Variants in ESPN observed in about 807,000 individuals in gnomAD.
ESPN encodes espin.
Under a neutral mutation model 77.7 loss-of-function variants are expected in ESPN, and 68 were observed. That is an observed-to-expected ratio of 0.87 (90% CI 0.72 to 1.07). ESPN has a LOEUF of 1.07. Among genes scored for constraint, ESPN ranks in the 50% least tolerant of loss-of-function variants. ESPN has a pLI of 0.00. For synonymous variants in ESPN, 449 were observed against 567.1 expected, an observed-to-expected ratio of 0.79 and a Z score of 2.96; for missense variants, 1,060 against 1,239.0, an observed-to-expected ratio of 0.86 and a Z score of 2.17.
At chr1:6,456,329 C>G in intron 10 of ESPN, 1 of 387,228 alleles carries the variant, frequency 2.6e-6, no homozygotes, top group Admixed American at 4.5e-5. Context: ...CCCGGAGGGC[C>G]CAGGACCAGG....
rs1557692894 is a variant in ESPN at position 6,428,356 on chromosome 1, T to TCCA, written c.427_429dup (p.His143dup). The TCCA allele has an allele frequency of 6.2e-7, 1 of 1,613,012 alleles. No individual in the cohort carries two copies. Among genetic ancestry groups the TCCA allele is most frequent in the East Asian group, 2.2e-5 (1 of 44,858 alleles). Reference sequence around the variant, plus strand: ...GCCACAGACATGGGCGCCCTGCCTATCCACTACGCTGCCGCCAAAGGAGAC... The same window carrying TCCA: ...GCCACAGACATGGGCGCCCTGCCTATCCACCACTACGCTGCCGCCAAAGGAGAC... On this transcript the variant is annotated inframe_insertion, in exon 2 of 13. Coordinates refer to ENST00000645284, the MANE Select transcript of ESPN (RefSeq NM_031475.3). The surrounding 1 kb of genome is among the most constrained non-coding windows in gnomAD (Gnocchi z 5.4).
intron 5 of ESPN, among the ~76,000 whole-genome samples, chr1:6,441,899 C>T (rs1363384658): frequency 6.6e-6 from 1 of 152,198 alleles, no homozygotes; most frequent in East Asian, 1.9e-4. Context: ...GCTCTGGGGG[C>T]TGCAGAACAC....
rs1471060894 is a variant in ESPN, at chr1:6,451,316, T to G, written c.1916-287T>G. Reference sequence around the variant, plus strand: ...CAGTCAGTGGCTGGGCGGGGACATATGCCCAAGAGCCACCATGAACTCCCA... The same window carrying G: ...CAGTCAGTGGCTGGGCGGGGACATAGGCCCAAGAGCCACCATGAACTCCCA... On this transcript the variant is annotated intron_variant, in intron 8 of 12. Coordinates refer to ENST00000645284, the MANE Select transcript of ESPN (RefSeq NM_031475.3). The surrounding 1 kb of genome is among the most constrained non-coding windows in gnomAD (Gnocchi z 4.3). The G allele has an allele frequency of 1.9e-6, 1 of 514,318 alleles. No individual in the cohort carries two copies. The highest frequency in any genetic ancestry group is 3.5e-6 in the Non-Finnish European group (1 of 282,510). The allele number at this position is 514,318 out of a possible 1,614,324, so 31.9% of individuals were successfully genotyped here.
At chr1:6,432,682 G>A (rs1400870232) in intron 2 of ESPN, among the ~76,000 whole-genome samples, 1 of 152,232 alleles carries the variant, frequency 6.6e-6, no homozygotes, top group Non-Finnish European at 1.5e-5. Flanking sequence ...CCTCACGTGG[G>A]GGCTACCTGA....
intron 2 of ESPN, among the ~76,000 whole-genome samples, chr1:6,433,750 G>A (rs1289120878): frequency 6.6e-6 from 1 of 152,144 alleles, no homozygotes; most frequent in Non-Finnish European, 1.5e-5. Context: ...CCTTCACAGA[G>A]GCTGATCCCT....
At position 6,428,242 on chromosome 1, in the gene ESPN, G is replaced by T; in HGVS notation, c.311G>T (p.Gly104Val). The part of the protein sequence containing the change: ...GCRVQDKDNS[G>V]ATVLHLAARF... Reference sequence around the variant, plus strand: ...CTCCCACAGGACAAAGACAATTCTGGTGCCACAGTCTTGCATCTGGCTGCC... The same window carrying T: ...CTCCCACAGGACAAAGACAATTCTGTTGCCACAGTCTTGCATCTGGCTGCC... The change falls in exon 2 of 13, where the codon GGT (glycine) becomes GTT (valine). Residue 104 changes from glycine (G) to valine (V), a missense_variant. Transcript: ENST00000645284. This position sits in a 1 kb window ranked among gnomAD's most constrained non-coding sequence, Gnocchi z 5.4. 1 of 1,613,632 alleles carries T rather than the reference G, an allele frequency of 6.2e-7. No individual in the cohort carries two copies. The highest frequency in any genetic ancestry group is 8.5e-7 in the Non-Finnish European group (1 of 1,180,004).
At chr1:6,425,372 C>A in intron 1 of ESPN, 123 bp downstream of exon 1, 2 of 1,234,140 alleles carry the variant, frequency 1.6e-6, no homozygotes, top group Non-Finnish European at 2.3e-6. Context: ...CTGAACCCTG[C>A]ACGGAGCTCC....
chr1:6,445,183 C>A (rs1643783822), intron 6 of ESPN, among the ~76,000 whole-genome samples: 1 of 152,218 alleles, frequency 6.6e-6, no homozygotes, highest in South Asian at 2.1e-4. Flanking sequence ...CAAATGCGTA[C>A]CCCCTCAAAC....
At chr1:6,430,319 C>T (rs144627974) in intron 2 of ESPN, among the ~76,000 whole-genome samples, 1,707 of 152,310 alleles carry the variant, frequency 0.011, 30 homozygotes, top group African/African-American at 0.038. Flanking sequence ...GTGGGAAACT[C>T]GATCCTGCCA....
chr1:6,455,707 G>C (rs1162008710), intron 10 of ESPN: 1 of 398,980 alleles, frequency 2.5e-6, no homozygotes, highest in Non-Finnish European at 4.4e-6. Context: ...CGCAAGTTCC[G>C]CCACCTACTG....
At chr1:6,436,997 T>G (rs2006010) in intron 2 of ESPN, among the ~76,000 whole-genome samples, 3 of 151,784 alleles carry the variant, frequency 2.0e-5, no homozygotes, top group African/African-American at 4.8e-5. Flanking sequence ...CCCCTCCCCC[T>G]CAGCCCATCA....
In ESPN at chr1:6,445,054, ACAAG is replaced by A. The variant is rs201331310; in HGVS notation, c.1192+379_1192+382del. Among the ~76,000 whole-genome samples the A allele has an allele frequency of 3.8e-3, 573 of 152,276 alleles. 3 individuals carry two copies. Among genetic ancestry groups the A allele is most frequent in the African/African-American group, 0.013 (552 of 41,558 alleles). On this transcript the variant is annotated intron_variant, in intron 6 of 12. Coordinates refer to ENST00000645284, the MANE Select transcript of ESPN (RefSeq NM_031475.3). ...ATATCTGCACACACCCACCCTACAC[ACAAG>A]CAAGCACACAGTGCTCTATTTCCAT...
Position 6,450,489 on chromosome 1 carries a change from G to C in ESPN, c.1916-1114G>C, listed in dbSNP as rs567259242. 9.3e-6 allele frequency: 9 copies of C among 970,390 alleles called. No homozygotes were observed. Among genetic ancestry groups the C allele is most frequent in the Admixed American group, 6.2e-5 (1 of 16,230 alleles). 60.1% of individuals were successfully genotyped at this position (970,390 alleles called of 1,614,324 possible). On this transcript the variant is annotated intron_variant, in intron 8 of 12. Coordinates refer to ENST00000645284, the MANE Select transcript of ESPN (RefSeq NM_031475.3). The surrounding 1 kb of genome is among the most constrained non-coding windows in gnomAD (Gnocchi z 4.3). ...AGGAAGAGTGAGTAGCTGCGTGCGC[G>C]GCTCCTGGCTGAGGCTGAGGCGCGG...
chr1:6,428,080 C>A lies in ESPN; in HGVS notation c.295-146C>A. 2.4e-6 allele frequency: 2 copies of A among 850,510 alleles called. No individual in the cohort carries two copies. The highest frequency in any genetic ancestry group is 3.9e-6 in the Non-Finnish European group (2 of 519,350). The allele number at this position is 850,510 out of a possible 1,614,324, so 52.7% of individuals were successfully genotyped here. ...CAGGATCCGCTTGACCCAAAAAAAA[C>A]ATTGCTGAATGAGGCCTGGCCAATC... On this transcript the variant is annotated intron_variant, in intron 1 of 12. Coordinates refer to ENST00000645284, the MANE Select transcript of ESPN (RefSeq NM_031475.3). The surrounding 1 kb of genome is among the most constrained non-coding windows in gnomAD (Gnocchi z 5.4).
chr1:6,439,870 G>T (rs1244037543), intron 2 of ESPN, among the ~76,000 whole-genome samples: 1 of 152,160 alleles, frequency 6.6e-6, no homozygotes, highest in African/African-American at 2.4e-5. Context: ...TTAGCGGGGC[G>T]TGGTGGCACA....
In ESPN at chr1:6,427,047, C is replaced by T. The variant is rs919906139; in HGVS notation, c.295-1179C>T. On this transcript the variant is annotated intron_variant, in intron 1 of 12. Transcript: ENST00000645284. This position sits in a 1 kb window ranked among gnomAD's most constrained non-coding sequence, Gnocchi z 4.6. ...CGTGCCCTCTTTTCCTTGCATTTCT[C>T]ACGGGAGCCTCAGAGGTTCTCTTCC... is the stretch of plus-strand genomic sequence containing the variant. 6.6e-6 allele frequency among the ~76,000 whole-genome samples: 1 copy of T among 152,034 alleles called. No homozygotes were observed. The highest frequency in any genetic ancestry group is 1.9e-4 in the East Asian group (1 of 5,168).
intron 10 of ESPN, among the ~76,000 whole-genome samples, chr1:6,453,589 G>T (rs1289705183): frequency 6.6e-6 from 1 of 152,218 alleles, no homozygotes; most frequent in Non-Finnish European, 1.5e-5. Context: ...CCTGGAGGAA[G>T]GGGGTCGCTG....
At chr1:6,444,061 C>T (rs1643739554) in intron 5 of ESPN, among the ~76,000 whole-genome samples, 1 of 152,222 alleles carries the variant, frequency 6.6e-6, no homozygotes, top group Admixed American at 6.5e-5. Flanking sequence ...CTGCCCCAGG[C>T]CCCAGGTCCA....
intron 1 of ESPN, 35 bp downstream of exon 1, chr1:6,425,284 TTCC>T: frequency 6.4e-7 from 1 of 1,559,968 alleles, no homozygotes; most frequent in Non-Finnish European, 8.6e-7. Flanking sequence ...GCACTGAGGC[TTCC>T]TCCTCAGGAC....
Sources: gnomAD v4.1 joint callset for allele counts (sites outside exome capture counted in the v4.1 genomes callset) on GRCh38, gnomAD v4.1.1 for gene constraint, Gnocchi (gnomAD v3.1) non-coding constraint, MANE v1.5 for transcripts, NCBI Gene and HGNC (gene_info 2026-07-23, HGNC 2026-07-21) for gene names.